Variants in WASHC4 observed in about 807,000 individuals in gnomAD.
WASHC4 encodes the protein WASH complex subunit 4, also known as WASH complex subunit 7.
In WASHC4, 86 loss-of-function variants were observed where a neutral mutation model predicts 166.6. The ratio of observed to expected loss-of-function variants is 0.52; its 90% CI spans 0.43 to 0.62. WASHC4 has a LOEUF of 0.62. Among genes scored for constraint, WASHC4 ranks in the 20% least tolerant of loss-of-function variants. The pLI is 0.00. For missense variants in WASHC4, 1,262 were observed against 1,382.4 expected (o/e 0.91, Z 1.38); for synonymous variants, 446 against 451.6 (o/e 0.99, Z 0.16).
At chr12:105,119,373 G>A (rs1880500259) in intron 7 of WASHC4, among the ~76,000 whole-genome samples, 1 of 151,938 alleles carries the variant, frequency 6.6e-6, no homozygotes, top group Non-Finnish European at 1.5e-5. Context: ...CATTAACTTT[G>A]TTTAGCTCTA....
In WASHC4 at chr12:105,160,043, C is replaced by T. The variant is rs541696809; in HGVS notation, c.2955C>T (p.Ala985=). 6.7e-5 allele frequency: 108 copies of T among 1,613,806 alleles called. 1 individual carries two copies. The highest frequency in any genetic ancestry group is 3.2e-4 in the South Asian group (29 of 91,072). The part of the protein sequence containing the change: ...SVLSDHTRNS[A]EGTEYFKMLV... ...TCAGTGATCACACACGAAATTCTGC[C>T]GAAGGCACAGAATATTTCAAAATGC... is the stretch of plus-strand genomic sequence containing the variant. Residue 985 remains alanine, a synonymous_variant, in exon 29 of 33, where the codon GCC becomes GCT. Coordinates refer to ENST00000332180, the MANE Select transcript of WASHC4 (RefSeq NM_015275.3).
intron 14 of WASHC4, 96 bp downstream of exon 14, chr12:105,133,992 T>G (rs1882091862): frequency 8.2e-7 from 1 of 1,216,102 alleles, no homozygotes; most frequent in Non-Finnish European, 1.2e-6. Context: ...AGTATGTTTT[T>G]GTTTATTAAA....
At chr12:105,109,116 A>G (rs1380488454) in intron 1 of WASHC4, among the ~76,000 whole-genome samples, 1 of 152,220 alleles carries the variant, frequency 6.6e-6, no homozygotes, top group East Asian at 1.9e-4. Flanking sequence ...AGCCTGGGTG[A>G]TAATAAGGTA....
chr12:105,157,471 T>C, intron 28 of WASHC4, 149 bp downstream of exon 28: 1 of 579,302 alleles, frequency 1.7e-6, no homozygotes, highest in Non-Finnish European at 3.1e-6. Flanking sequence ...AAGACTTCAG[T>C]ATTCTAAGAC....
rs148982186 is a variant in WASHC4, at chr12:105,149,012, G to T, written c.2515-603G>T. The T allele has an allele frequency of 8.2e-6, 8 of 977,198 alleles. No homozygotes were observed. In the Admixed American group the frequency reaches 3.1e-4, roughly 38 times the overall value. 60.5% of individuals were successfully genotyped at this position (977,198 alleles called of 1,614,324 possible). On this transcript the variant is annotated intron_variant, in intron 24 of 32. Transcript: ENST00000332180. ...CATTCTGAGAAATTATTACAGTAGA[G>T]ATTTAATAATTTATTTAACAATACT...
intron 26 of WASHC4, 93 bp from the exon 27 acceptor site, chr12:105,156,630 TGGA>T: frequency 1.9e-6 from 2 of 1,036,950 alleles, no homozygotes; most frequent in Non-Finnish European, 2.9e-6. Flanking sequence ...TTCTTAGGAG[TGGA>T]AACCTTGTAA....
chr12:105,122,254 TCAGACTGTAA>T lies in WASHC4; in HGVS notation c.786+20_786+29del. 1 of 1,610,740 alleles carries T rather than the reference TCAGACTGTAA, an allele frequency of 6.2e-7. No individual in the cohort carries two copies. Among genetic ancestry groups the T allele is most frequent in the Non-Finnish European group, 8.5e-7 (1 of 1,178,894 alleles). The stretch of plus-strand genomic sequence containing the variant: ...GATATTCCAGGTAAGTAGGTCTGTA[TCAGACTGTAA>T]CAGTGGGGCTCATATTAGACGACAA... On this transcript the variant is annotated intron_variant, in intron 10 of 32. Coordinates refer to ENST00000332180, the MANE Select transcript of WASHC4 (RefSeq NM_015275.3).
chr12:105,122,706 A>C (rs562165178), intron 10 of WASHC4, among the ~76,000 whole-genome samples: 1 of 152,024 alleles, frequency 6.6e-6, no homozygotes, highest in African/African-American at 2.4e-5. Flanking sequence ...TTTCATTATT[A>C]TTATAGCTGT....
At chr12:105,162,990 G>A (rs1219747353) in intron 30 of WASHC4, 145 bp downstream of exon 30, 2 of 518,584 alleles carry the variant, frequency 3.9e-6, no homozygotes, top group South Asian at 2.1e-5. Flanking sequence ...ACAGAGTCTC[G>A]TCTCGCTCTG....
Position 105,144,428 on chromosome 12 carries a change from T to A in WASHC4, c.2152T>A (p.Phe718Ile). Residue 718 changes from phenylalanine to isoleucine, a missense_variant, in exon 21 of 33, where the codon TTT becomes ATT. Physicochemically the swap from Phe to Ile is conservative, Grantham distance 21. Transcript: ENST00000332180. ...TTTTTTCTCTCTGAATCCAATTCGG[T>A]TTTTCAATCGTTTCATTGACATTCG... ...ALFFSLNPIR[F>I]FNRFIDIRAY... 1 of 1,613,350 alleles carries A rather than the reference T, an allele frequency of 6.2e-7. No individual in the cohort carries two copies. Among genetic ancestry groups the A allele is most frequent in the Non-Finnish European group, 8.5e-7 (1 of 1,179,550 alleles).
At chr12:105,158,824 G>A (rs189185379) in intron 28 of WASHC4, among the ~76,000 whole-genome samples, 1 of 152,286 alleles carries the variant, frequency 6.6e-6, no homozygotes, top group Non-Finnish European at 1.5e-5. Flanking sequence ...CAACTTTCAA[G>A]TGTTTCAGAA....
chr12:105,116,704 CAT>C (rs1880217603), intron 6 of WASHC4, among the ~76,000 whole-genome samples: 1 of 152,154 alleles, frequency 6.6e-6, no homozygotes, highest in African/African-American at 2.4e-5. Flanking sequence ...TATCCCATAA[CAT>C]GTTGTATACC....
Position 105,152,301 on chromosome 12 carries a change from T to C in WASHC4, c.2650-42T>C, listed in dbSNP as rs1219813555. The C allele has an allele frequency of 1.0e-5, 10 of 999,170 alleles. No individual in the cohort carries two copies. In the Admixed American group the frequency reaches 1.7e-4, roughly 17 times the overall value. 61.9% of individuals were successfully genotyped at this position (999,170 alleles called of 1,614,324 possible). A position where few individuals can be genotyped will look rare whatever the true frequency, so the allele number is the denominator to read the frequency against. On this transcript the variant is annotated intron_variant, in intron 25 of 32. Coordinates refer to ENST00000332180, the MANE Select transcript of WASHC4 (RefSeq NM_015275.3). The stretch of plus-strand genomic sequence containing the variant: ...TTTATTTGGGAGGCATTTTGTGCTT[T>C]AGAAATCTTTATTAAAAGTAGCCTT...
At chr12:105,158,668 G>T (rs964724174) in intron 28 of WASHC4, among the ~76,000 whole-genome samples, 1 of 152,252 alleles carries the variant, frequency 6.6e-6, no homozygotes, top group East Asian at 1.9e-4. Context: ...AGGAATAATT[G>T]GGGGACATTT....
At chr12:105,109,694 CCCAGTG>C (rs1170555186) in intron 1 of WASHC4, among the ~76,000 whole-genome samples, 1 of 144,798 alleles carries the variant, frequency 6.9e-6, no homozygotes, top group Non-Finnish European at 1.5e-5. Context: ...CACTCTGTCG[CCCAGTG>C]CCGTGGCATC....
intron 26 of WASHC4, 159 bp from the exon 27 acceptor site, chr12:105,156,567 C>T: frequency 1.9e-6 from 1 of 517,834 alleles, no homozygotes; most frequent in Non-Finnish European, 3.4e-6. Flanking sequence ...AAATATGTAA[C>T]AGTTTTACTT....
At chr12:105,126,777 A>G (rs1403250123) in intron 12 of WASHC4, among the ~76,000 whole-genome samples, 1 of 152,086 alleles carries the variant, frequency 6.6e-6, no homozygotes, top group African/African-American at 2.4e-5. Context: ...AACTATGATA[A>G]CCCAGCCAAT....
chr12:105,166,535 G>T (rs1474798016), intron 32 of WASHC4, among the ~76,000 whole-genome samples: 1 of 152,114 alleles, frequency 6.6e-6, no homozygotes, highest in Non-Finnish European at 1.5e-5. Flanking sequence ...TGGCGTGAGG[G>T]GAGCGGGCCT....
At chr12:105,145,891 A>G (rs1040664997) in intron 22 of WASHC4, among the ~76,000 whole-genome samples, 2 of 152,222 alleles carry the variant, frequency 1.3e-5, no homozygotes, top group East Asian at 1.9e-4. Flanking sequence ...CAAAAGAAGC[A>G]TAACAGTTTG....
Sources: allele counts gnomAD v4.1 joint callset (sites outside exome capture counted in the v4.1 genomes callset), GRCh38; gene constraint gnomAD v4.1.1; transcripts MANE v1.5; gene names NCBI Gene and HGNC (gene_info 2026-07-23, HGNC 2026-07-21).